STMN2: variants seen among roughly 807,000 people sequenced by gnomAD.
STMN2 encodes the protein stathmin 2.
Under a neutral mutation model 24.1 loss-of-function variants are expected in STMN2, and 2 were observed. The ratio of observed to expected loss-of-function variants is 0.08; its 90% CI spans 0.03 to 0.26. The LOEUF is 0.26. STMN2 is among the 10% of genes least tolerant of loss of function. The pLI is 1.00. For missense variants in STMN2, 114 were observed against 213.6 expected, an observed-to-expected ratio of 0.53 and a Z score of 2.91; for synonymous variants, 83 against 77.5, an observed-to-expected ratio of 1.07 and a Z score of -0.37.
At chr8:79,612,243 C>A (rs1238765695) in intron 1 of STMN2, among the ~76,000 whole-genome samples, 1 of 152,232 alleles carries the variant, frequency 6.6e-6, no homozygotes, top group Non-Finnish European at 1.5e-5. Context: ...GCCCTCCCCA[C>A]GCTGGCCTCA....
At chr8:79,636,087 C>T (rs756656398) in intron 1 of STMN2, among the ~76,000 whole-genome samples, 7 of 151,956 alleles carry the variant, frequency 4.6e-5, no homozygotes, top group South Asian at 4.2e-4. Context: ...CATGGTGGAG[C>T]GCACCTGTAG....
At chr8:79,628,602 C>T (rs1324788984) in intron 1 of STMN2, among the ~76,000 whole-genome samples, 1 of 152,186 alleles carries the variant, frequency 6.6e-6, no homozygotes, top group Non-Finnish European at 1.5e-5. Context: ...GACATTTCAA[C>T]ACGTGTGAGA....
intron 4 of STMN2, among the ~76,000 whole-genome samples, chr8:79,661,642 T>C (rs1195557715): frequency 6.6e-6 from 1 of 152,106 alleles, no homozygotes; most frequent in Non-Finnish European, 1.5e-5. Context: ...TCACATTTCA[T>C]CCAAACAACA....
chr8:79,618,318 T>C (rs1054511485), intron 1 of STMN2, among the ~76,000 whole-genome samples: 3 of 152,206 alleles, frequency 2.0e-5, no homozygotes, highest in African/African-American at 7.2e-5. Flanking sequence ...ACACATGGCG[T>C]TCTGCAGGCT....
intron 3 of STMN2, among the ~76,000 whole-genome samples, chr8:79,643,149 G>GTGTGTATATA (rs764308760): frequency 2.9e-5 from 4 of 140,108 alleles, no homozygotes; most frequent in African/African-American, 1.1e-4. Flanking sequence ...ATGTGTGTGT[G>GTGTGTATATA]TATATATATA....
At chr8:79,641,667 C>CAT in intron 3 of STMN2, 117 bp downstream of exon 3, 1 of 776,196 alleles carries the variant, frequency 1.3e-6, no homozygotes, top group Non-Finnish European at 2.0e-6. Flanking sequence ...CACACACACA[C>CAT]ACACATACAG....
chr8:79,640,402 T>C (rs372397672), intron 2 of STMN2, among the ~76,000 whole-genome samples: 1 of 152,180 alleles, frequency 6.6e-6, no homozygotes, highest in African/African-American at 2.4e-5. Flanking sequence ...CTTAGCATAG[T>C]GTCCTCCAGG....
chr8:79,617,504 AGTT>A (rs1415401946), intron 1 of STMN2, among the ~76,000 whole-genome samples: 1 of 152,256 alleles, frequency 6.6e-6, no homozygotes, highest in Non-Finnish European at 1.5e-5. Context: ...TTAGCCATTC[AGTT>A]GTTGTTAACA....
At chr8:79,653,677 T>C (rs1394386192) in intron 3 of STMN2, among the ~76,000 whole-genome samples, 1 of 152,250 alleles carries the variant, frequency 6.6e-6, no homozygotes, top group Non-Finnish European at 1.5e-5. Flanking sequence ...TTCCCACTAA[T>C]GCTTTCAATG....
At chr8:79,623,194 T>G (rs762949708) in intron 1 of STMN2, among the ~76,000 whole-genome samples, 90 of 152,198 alleles carry the variant, frequency 5.9e-4, no homozygotes, top group Non-Finnish European at 6.0e-4. Flanking sequence ...GAAAAGGATA[T>G]GGATACTTAG....
At chr8:79,614,248 C>T (rs1351663681) in intron 1 of STMN2, among the ~76,000 whole-genome samples, 1 of 152,116 alleles carries the variant, frequency 6.6e-6, no homozygotes, top group Non-Finnish European at 1.5e-5. Context: ...GAAATTAATT[C>T]CAATTTCAAA....
intron 1 of STMN2, 27 bp downstream of exon 1, chr8:79,611,241 C>T: frequency 1.2e-6 from 2 of 1,613,792 alleles, no homozygotes; most frequent in South Asian, 1.1e-5. Flanking sequence ...CGTTCTCCGT[C>T]GGCTCTACCT....
At chr8:79,651,349 A>G (rs1810330375) in intron 3 of STMN2, among the ~76,000 whole-genome samples, 1 of 152,180 alleles carries the variant, frequency 6.6e-6, no homozygotes, top group African/African-American at 2.4e-5. Flanking sequence ...AATAGCAACA[A>G]AAGTACTAAC....
intron 4 of STMN2, among the ~76,000 whole-genome samples, chr8:79,655,321 C>T (rs1321075152): frequency 1.3e-5 from 2 of 152,000 alleles, no homozygotes; most frequent in African/African-American, 2.4e-5. Context: ...CTGATTCATG[C>T]TTTTGAAATG....
chr8:79,627,767 T>G (rs1809692531), intron 1 of STMN2, among the ~76,000 whole-genome samples: 1 of 152,192 alleles, frequency 6.6e-6, no homozygotes, highest in Non-Finnish European at 1.5e-5. Flanking sequence ...TACCAATATC[T>G]CTCCATTCTC....
At chr8:79,649,384 C>A (rs1414952833) in intron 3 of STMN2, among the ~76,000 whole-genome samples, 1 of 152,008 alleles carries the variant, frequency 6.6e-6, no homozygotes, top group East Asian at 1.9e-4. Flanking sequence ...AGGGCTCATT[C>A]TAAAGGTCTT....
intron 1 of STMN2, among the ~76,000 whole-genome samples, chr8:79,626,976 G>A (rs941494253): frequency 6.6e-5 from 10 of 152,248 alleles, no homozygotes; most frequent in Middle Eastern, 6.8e-3. Context: ...CATTAAGTTT[G>A]CTTCACTTCT....
At chr8:79,611,251 T>C in intron 1 of STMN2, 37 bp downstream of exon 1, 1 of 1,613,454 alleles carries the variant, frequency 6.2e-7, no homozygotes, top group Non-Finnish European at 8.5e-7. Flanking sequence ...CGGCTCTACC[T>C]GGAGCCCACC....
chr8:79,651,807 A>T (rs540262859), intron 3 of STMN2, among the ~76,000 whole-genome samples: 71 of 152,334 alleles, frequency 4.7e-4, no homozygotes, highest in Non-Finnish European at 8.7e-4. Context: ...AGTCCATCTC[A>T]AAGGGCCAGG....
Sources: allele counts gnomAD v4.1 joint callset (sites outside exome capture counted in the v4.1 genomes callset), GRCh38; gene constraint gnomAD v4.1.1; transcripts MANE v1.5; gene names NCBI Gene and HGNC (gene_info 2026-07-23, HGNC 2026-07-21).